MAST4: variants seen among roughly 807,000 people sequenced by gnomAD.
MAST4 encodes the protein microtubule associated serine/threonine kinase family member 4.
A neutral mutation model predicts 162.7 loss-of-function variants in MAST4; 89 were observed. The ratio of observed to expected loss-of-function variants is 0.55; its 90% CI spans 0.46 to 0.65. The LOEUF (loss-of-function observed/expected upper bound fraction) is 0.65. Ranked by LOEUF, MAST4 falls within the 30% of genes least tolerant of loss-of-function variation. The pLI, the probability that MAST4 is intolerant of heterozygous loss-of-function variation, is 0.00. For missense variants in MAST4, 3,153 were observed against 3,374.0 expected (o/e 0.93, Z 1.62); for synonymous variants, 1,479 against 1,361.1 (o/e 1.09, Z -1.91).
intron 3 of MAST4, among the ~76,000 whole-genome samples, chr5:66,816,782 C>G (rs1309956343): frequency 6.6e-6 from 1 of 152,182 alleles, no homozygotes; most frequent in Non-Finnish European, 1.5e-5. Context: ...ATTTCTGCTT[C>G]CATTAGACTT....
intron 3 of MAST4, among the ~76,000 whole-genome samples, chr5:66,875,161 T>G (rs1215038360): frequency 1.3e-5 from 2 of 152,206 alleles, no homozygotes; most frequent in Non-Finnish European, 2.9e-5. Flanking sequence ...AAGAATAATT[T>G]CTTCTTTTTC....
chr5:66,771,178 TTTTC>T (rs1296705223), intron 2 of MAST4, among the ~76,000 whole-genome samples: 2 of 151,040 alleles, frequency 1.3e-5, no homozygotes, highest in Non-Finnish European at 1.5e-5. Flanking sequence ...TATTTCTTTC[TTTTC>T]TTTCTTTTTT....
chr5:67,000,763 G>GGGC (rs386404010), intron 4 of MAST4, among the ~76,000 whole-genome samples: 5 of 151,422 alleles, frequency 3.3e-5, no homozygotes, highest in Non-Finnish European at 7.4e-5. Flanking sequence ...AAAAGGGGGG[G>GGGC]GGTGGCTTGT....
At chr5:66,992,947 T>G (rs1329497926) in intron 4 of MAST4, among the ~76,000 whole-genome samples, 4 of 152,180 alleles carry the variant, frequency 2.6e-5, no homozygotes, top group Non-Finnish European at 4.4e-5. Context: ...TGATCATGTT[T>G]CCAGCAGGAT....
intron 4 of MAST4, among the ~76,000 whole-genome samples, chr5:66,948,289 G>A (rs141007078): frequency 6.6e-6 from 1 of 152,290 alleles, no homozygotes; most frequent in Non-Finnish European, 1.5e-5. Flanking sequence ...TAAGATACGT[G>A]TGCAATCTGA....
At chr5:66,658,418 T>C (rs952814544) in intron 1 of MAST4, among the ~76,000 whole-genome samples, 71 of 152,232 alleles carry the variant, frequency 4.7e-4, no homozygotes, top group Admixed American at 4.6e-3. Flanking sequence ...AGAACTGTTA[T>C]GGGTTTTTTC....
intron 4 of MAST4, among the ~76,000 whole-genome samples, chr5:66,997,188 CACAT>C (rs1415959454): frequency 2.0e-5 from 3 of 151,762 alleles, no homozygotes; most frequent in East Asian, 1.9e-4. Flanking sequence ...TATATATGGA[CACAT>C]ACATTTATAT....
intron 3 of MAST4, among the ~76,000 whole-genome samples, chr5:66,863,883 G>A (rs1475555714): frequency 6.6e-6 from 1 of 152,164 alleles, no homozygotes; most frequent in Non-Finnish European, 1.5e-5. Context: ...TTCTGGCCTA[G>A]GGGTGGAAAA....
At chr5:67,016,412 T>A (rs1235215942) in intron 4 of MAST4, among the ~76,000 whole-genome samples, 1 of 152,228 alleles carries the variant, frequency 6.6e-6, no homozygotes, top group African/African-American at 2.4e-5. Flanking sequence ...TTTTAGTACC[T>A]TTTTAATTTT....
intron 2 of MAST4, among the ~76,000 whole-genome samples, chr5:66,784,571 C>T (rs567432774): frequency 1.3e-5 from 2 of 152,192 alleles, no homozygotes; most frequent in African/African-American, 2.4e-5. Flanking sequence ...CTCATTTTTT[C>T]TGCCAGAGAT....
intron 4 of MAST4, among the ~76,000 whole-genome samples, chr5:67,048,736 A>G (rs1038097401): frequency 1.3e-5 from 2 of 151,816 alleles, no homozygotes; most frequent in African/African-American, 4.8e-5. Context: ...CCAGTTTTCT[A>G]CTTAACTTCA....
At chr5:66,931,291 TA>T (rs1426645837) in intron 4 of MAST4, among the ~76,000 whole-genome samples, 2 of 152,182 alleles carry the variant, frequency 1.3e-5, no homozygotes, top group South Asian at 2.1e-4. Context: ...AAGGGTTTTT[TA>T]AAGGTTTATT....
At chr5:67,001,074 C>G (rs935681528) in intron 4 of MAST4, among the ~76,000 whole-genome samples, 1 of 152,168 alleles carries the variant, frequency 6.6e-6, no homozygotes, top group Non-Finnish European at 1.5e-5. Flanking sequence ...CTATATTGAC[C>G]TAGACCAGCT....
At chr5:67,157,797 G>C (rs1354327153) in intron 26 of MAST4, among the ~76,000 whole-genome samples, 1 of 152,166 alleles carries the variant, frequency 6.6e-6, no homozygotes, top group South Asian at 2.1e-4. Flanking sequence ...TTCTTTACCT[G>C]TAAAGGAAGG....
Position 66,801,748 on chromosome 5 carries a change from A to G in MAST4, c.642+12954A>G, listed in dbSNP as rs1336654393. Among the ~76,000 whole-genome samples, 4 of 152,216 alleles carry G rather than the reference A, an allele frequency of 2.6e-5. No individual in the cohort carries two copies. The East Asian group carries it at 5.8e-4, about 22-fold the overall frequency. On this transcript the variant is annotated intron_variant, in intron 3 of 28. Coordinates refer to ENST00000403625, the MANE Select transcript of MAST4 (RefSeq NM_001164664.2). ...TGTCATTAACTGCCACTAAATTGAC[A>G]CAAGTGTTGACAGCTATTGTGAGAA...
chr5:67,123,590 C>A (rs903225627), intron 14 of MAST4, among the ~76,000 whole-genome samples: 2 of 152,038 alleles, frequency 1.3e-5, no homozygotes, highest in Non-Finnish European at 2.9e-5. Flanking sequence ...CTAAGTGGAG[C>A]TCTCTTCTCT....
intron 4 of MAST4, among the ~76,000 whole-genome samples, chr5:67,047,736 G>C (rs1484620732): frequency 6.6e-6 from 1 of 152,186 alleles, no homozygotes; most frequent in Non-Finnish European, 1.5e-5. Context: ...CCTGGGTGGA[G>C]CTCTGATTTC....
intron 2 of MAST4, 63 bp from the exon 3 acceptor site, chr5:66,788,607 C>CCCAAAAAAAAAAAAAAAA: frequency 1.5e-6 from 2 of 1,373,722 alleles, no homozygotes; most frequent in Non-Finnish European, 1.0e-6. Flanking sequence ...CCCCCACCCC[C>CCCAAAAAAAAAAAAAAAA]ATTGCAATAA....
At chr5:66,926,360 A>C (rs968557495) in intron 4 of MAST4, among the ~76,000 whole-genome samples, 7 of 152,078 alleles carry the variant, frequency 4.6e-5, no homozygotes, top group Non-Finnish European at 1.0e-4. Flanking sequence ...CCAGCCTGAC[A>C]AATATGGTGA....
Sources: allele counts gnomAD v4.1 joint callset (sites outside exome capture counted in the v4.1 genomes callset), GRCh38; gene constraint gnomAD v4.1.1; transcripts MANE v1.5; gene names NCBI Gene and HGNC (gene_info 2026-07-23, HGNC 2026-07-21).